Variants in DGKB observed in about 807,000 individuals in gnomAD.
DGKB encodes 90 kDa diacylglycerol kinase.
Under a neutral mutation model 114.3 loss-of-function variants are expected in DGKB, and 67 were observed. That is an observed-to-expected ratio of 0.59 (90% confidence interval 0.48 to 0.72). DGKB has a LOEUF of 0.72. DGKB is among the 30% of genes least tolerant of loss of function. The pLI, the probability that DGKB is intolerant of heterozygous loss-of-function variation, is 0.00. For synonymous variants in DGKB, 398 were observed against 323.1 expected (o/e 1.23, Z -2.49); for missense variants, 907 against 975.2 (o/e 0.93, Z 0.93).
At chr7:14,382,764 CAG>C (rs1819689775) in intron 21 of DGKB, among the ~76,000 whole-genome samples, 1 of 152,152 alleles carries the variant, frequency 6.6e-6, no homozygotes, top group African/African-American at 2.4e-5. Context: ...GAAGAAATAA[CAG>C]AGAGTGCTTG....
At chr7:14,295,752 A>G (rs1584986351) in intron 23 of DGKB, among the ~76,000 whole-genome samples, 1 of 152,234 alleles carries the variant, frequency 6.6e-6, no homozygotes, top group East Asian at 1.9e-4. Flanking sequence ...CATGTGCAGA[A>G]CATGCAGGTT....
chr7:14,213,109 AT>A (rs1788402419), intron 23 of DGKB, among the ~76,000 whole-genome samples: 1 of 149,988 alleles, frequency 6.7e-6, no homozygotes, highest in African/African-American at 2.5e-5. Flanking sequence ...ATCAATTTTT[AT>A]AAAAAAATGG....
chr7:14,148,505 A>G lies in DGKB; in HGVS notation c.*626T>C, dbSNP rs1358708800. On this transcript the variant is annotated 3_prime_UTR_variant, in exon 26 of 26. Coordinates refer to ENST00000402815, the MANE Select transcript of DGKB (RefSeq NM_001350709.2). Reference sequence around the variant, plus strand: ...TAAAAAGAAAACTAAGCAAAATAAAAACCGCGTTCTATTTTTCAGCATGAG... The same window carrying G: ...TAAAAAGAAAACTAAGCAAAATAAAGACCGCGTTCTATTTTTCAGCATGAG... 6.6e-6 allele frequency: 1 copy of G among 152,598 alleles called. No individual in the cohort carries two copies. Among genetic ancestry groups the G allele is most frequent in the African/African-American group, 2.4e-5 (1 of 41,442 alleles). The allele number at this position is 152,598 out of a possible 1,614,324, so 9.5% of individuals were successfully genotyped here. A position where few individuals can be genotyped will look rare whatever the true frequency, so the allele number is the denominator to read the frequency against.
chr7:14,329,384 G>T (rs1051276352), intron 23 of DGKB, among the ~76,000 whole-genome samples: 1 of 151,796 alleles, frequency 6.6e-6, no homozygotes, highest in Non-Finnish European at 1.5e-5. Context: ...TATCTCTTCT[G>T]GTATAACTTT....
chr7:14,932,966 G>A (rs1785102406), intron 1 of DGKB, among the ~76,000 whole-genome samples: 1 of 152,174 alleles, frequency 6.6e-6, no homozygotes, highest in African/African-American at 2.4e-5. Context: ...AGCTGCTACT[G>A]TCTGCTGAAG....
chr7:14,403,405 T>C (rs902413619), intron 21 of DGKB, among the ~76,000 whole-genome samples: 2 of 151,958 alleles, frequency 1.3e-5, no homozygotes, highest in Non-Finnish European at 2.9e-5. Flanking sequence ...ATGCTTTCCC[T>C]AGCAAACCAT....
At chr7:14,709,946 C>A (rs1212997698) in intron 6 of DGKB, among the ~76,000 whole-genome samples, 2 of 146,332 alleles carry the variant, frequency 1.4e-5, no homozygotes, top group African/African-American at 2.5e-5. Flanking sequence ...TGCACATGTA[C>A]CCTAAAACTT....
At chr7:14,418,803 C>A (rs990103944) in intron 21 of DGKB, among the ~76,000 whole-genome samples, 1 of 151,804 alleles carries the variant, frequency 6.6e-6, no homozygotes, top group African/African-American at 2.4e-5. Flanking sequence ...GGTTATCTTG[C>A]AGATTCGTTA....
intron 15 of DGKB, among the ~76,000 whole-genome samples, chr7:14,613,677 G>A (rs1378207077): frequency 6.6e-6 from 1 of 151,522 alleles, no homozygotes; most frequent in East Asian, 1.9e-4. Context: ...TCAGGAAGAG[G>A]GAATAACATT....
At chr7:14,327,303 G>T (rs919461291) in intron 23 of DGKB, among the ~76,000 whole-genome samples, 2 of 151,486 alleles carry the variant, frequency 1.3e-5, no homozygotes, top group African/African-American at 4.8e-5. Context: ...CAGCAGAAAT[G>T]AGAAACAAAA....
intron 1 of DGKB, among the ~76,000 whole-genome samples, chr7:14,954,899 A>AT (rs1015760561): frequency 4.2e-4 from 64 of 152,138 alleles, no homozygotes; most frequent in Non-Finnish European, 6.5e-4. Flanking sequence ...TTATGTATAT[A>AT]TTTTTTCCAA....
intron 23 of DGKB, among the ~76,000 whole-genome samples, chr7:14,311,866 CG>C (rs1406640513): frequency 1.3e-5 from 2 of 152,000 alleles, no homozygotes; most frequent in Non-Finnish European, 2.9e-5. Context: ...TTAAAGAAGG[CG>C]GGGGAGGTGG....
chr7:14,640,565 G>C (rs181814577), intron 13 of DGKB, among the ~76,000 whole-genome samples: 1 of 152,260 alleles, frequency 6.6e-6, no homozygotes, highest in African/African-American at 2.4e-5. Flanking sequence ...GGACTGGACA[G>C]CAAGGAGTGG....
intron 17 of DGKB, among the ~76,000 whole-genome samples, chr7:14,583,889 TG>T (rs1274409546): frequency 2.0e-5 from 3 of 152,144 alleles, no homozygotes; most frequent in Non-Finnish European, 4.4e-5. Context: ...ATAAAAAAAT[TG>T]AAACAGGACA....
rs145355823 is a variant in DGKB at position 14,958,340 on chromosome 7, T to A, written c.-188+16356A>T. ...ACGCAATGGTTTTATTTTAGACAAA[T>A]AAAGGGAGTAGATGTCAGACAGTGA... On this transcript the variant is annotated intron_variant, in intron 1 of 4. Transcript: ENST00000437998. 3.1e-3 allele frequency among the ~76,000 whole-genome samples: 467 copies of A among 151,058 alleles called. 5 individuals carry two copies. The highest frequency in any genetic ancestry group is 0.011 in the African/African-American group (458 of 41,138).
intron 1 of DGKB, among the ~76,000 whole-genome samples, chr7:14,856,900 G>A (rs1397602129): frequency 1.3e-5 from 2 of 151,998 alleles, no homozygotes; most frequent in Non-Finnish European, 2.9e-5. Context: ...AAATGAGTAT[G>A]GGGAACACAC....
chr7:14,273,823 T>C (rs1381103612), intron 23 of DGKB, among the ~76,000 whole-genome samples: 3 of 152,180 alleles, frequency 2.0e-5, no homozygotes, highest in African/African-American at 7.2e-5. Flanking sequence ...TAAAATTTAG[T>C]TCATATTGAG....
At chr7:14,605,508 A>G (rs1388140624) in intron 17 of DGKB, among the ~76,000 whole-genome samples, 3 of 151,668 alleles carry the variant, frequency 2.0e-5, no homozygotes, top group Non-Finnish European at 4.4e-5. Flanking sequence ...TCTGAGGAGT[A>G]GTAGTGCTCA....
At chr7:14,867,236 A>T (rs1214753769) in intron 1 of DGKB, among the ~76,000 whole-genome samples, 1 of 152,134 alleles carries the variant, frequency 6.6e-6, no homozygotes, top group African/African-American at 2.4e-5. Flanking sequence ...TTTTAATGAA[A>T]TTCAGTTTAT....
Sources: allele counts gnomAD v4.1 joint callset (sites outside exome capture counted in the v4.1 genomes callset), GRCh38; gene constraint gnomAD v4.1.1; transcripts MANE v1.5; gene names NCBI Gene and HGNC (gene_info 2026-07-23, HGNC 2026-07-21).